Variants in TMEM132B observed in about 807,000 individuals in gnomAD.
The protein encoded by TMEM132B is transmembrane protein 132B.
Under a neutral mutation model 90.8 loss-of-function variants are expected in TMEM132B, and 18 were observed. The observed-to-expected ratio is 0.20, with a 90% CI of 0.14 to 0.29. TMEM132B has a LOEUF of 0.29. TMEM132B is among the 10% of genes least tolerant of loss of function. The probability of loss-of-function intolerance (pLI) is 1.00; values close to 1 mark genes in which losing one functional copy is unlikely to be tolerated. For synonymous variants in TMEM132B, 504 were observed against 523.3 expected, an observed-to-expected ratio of 0.96 and a Z score of 0.50; for missense variants, 1,096 against 1,326.8, an observed-to-expected ratio of 0.83 and a Z score of 2.70.
In TMEM132B at chr12:125,349,467, G is replaced by C; in HGVS notation, c.83G>C (p.Gly28Ala). Residue 28 changes from glycine (G) to alanine (A), a missense_variant, in exon 2 of 9, where the codon GGG (glycine) becomes GCG (alanine). Gly to Ala is a moderately conservative substitution (Grantham distance 60, BLOSUM62 0). Coordinates refer to ENST00000682704, the MANE Select transcript of TMEM132B (RefSeq NM_001366854.1). This position sits in a 1 kb window ranked among gnomAD's most constrained non-coding sequence, Gnocchi z 4.1. ...TCTTGTGCAGTGACAGAGAGTCGAG[G>C]GATTGTGGATAGCCTGCAGAAGTTT... ...ALQCPVTESRGIVDSLQKFSS... is the reference protein window; with the variant it reads ...ALQCPVTESRAIVDSLQKFSS... 1.2e-6 allele frequency: 2 copies of C among 1,610,544 alleles called. No homozygotes were observed. The highest frequency in any genetic ancestry group is 1.7e-6 in the Non-Finnish European group (2 of 1,178,112).
chr12:125,505,213 T>C (rs1882816560), intron 3 of TMEM132B, among the ~76,000 whole-genome samples: 1 of 135,940 alleles, frequency 7.4e-6, no homozygotes, highest in Non-Finnish European at 1.5e-5. Context: ...TGGGGACTTG[T>C]GCAAAGGTGA....
In TMEM132B at chr12:125,644,311, C is replaced by T. The variant is rs776187489; in HGVS notation, c.1643+30C>T. The T allele has an allele frequency of 4.1e-5, 66 of 1,610,642 alleles. 1 individual carries two copies. Among genetic ancestry groups the T allele is most frequent in the Admixed American group, 1.7e-4 (10 of 59,768 alleles). On this transcript the variant is annotated intron_variant, in intron 6 of 8. Coordinates refer to ENST00000682704, the MANE Select transcript of TMEM132B (RefSeq NM_001366854.1). ...GGAATCAAAGAGAAGGCTGTGGATC[C>T]GATTGTCCTGGAGTCCAGATCTTTG...
At chr12:125,313,625 CT>C (rs1876176083) in intron 1 of TMEM132B, among the ~76,000 whole-genome samples, 1 of 81,546 alleles carries the variant, frequency 1.2e-5, no homozygotes, top group African/African-American at 5.0e-5. Flanking sequence ...CTCCCCTCTC[CT>C]TTCCCCTCCC....
At chr12:125,266,235 C>T (rs944172663) in intron 1 of TMEM132B, among the ~76,000 whole-genome samples, 2 of 152,020 alleles carry the variant, frequency 1.3e-5, no homozygotes, top group Non-Finnish European at 2.9e-5. Context: ...AAAAGAAAAA[C>T]CCAAAATTAA....
chr12:125,550,370 C>G (rs931804450), intron 4 of TMEM132B, among the ~76,000 whole-genome samples: 16 of 152,226 alleles, frequency 1.1e-4, no homozygotes, highest in African/African-American at 3.9e-4. Flanking sequence ...TTTTTTTAAA[C>G]TCATTTATAG....
At chr12:125,524,488 A>G (rs1251274726) in intron 4 of TMEM132B, among the ~76,000 whole-genome samples, 1 of 152,220 alleles carries the variant, frequency 6.6e-6, no homozygotes, top group Non-Finnish European at 1.5e-5. Context: ...TACTAGCTTC[A>G]TGATATTGGG....
chr12:125,335,108 CAG>C (rs1356501179), intron 1 of TMEM132B, among the ~76,000 whole-genome samples: 3 of 152,192 alleles, frequency 2.0e-5, no homozygotes, highest in African/African-American at 7.2e-5. Context: ...GTTTTGAACA[CAG>C]TATGTCAAAT....
chr12:125,236,903 G>A lies in TMEM132B; in HGVS notation c.67+50037G>A, dbSNP rs558269524. Among the ~76,000 whole-genome samples the A allele has an allele frequency of 3.3e-5, 5 of 152,334 alleles. No individual in the cohort carries two copies. In the South Asian group the frequency reaches 6.2e-4, roughly 19 times the overall value. Reference sequence around the variant, plus strand: ...AAGATTTGGGTACCTGTAGTGCATCGGAGAGGTGCTTGCAGGCAGGATGGT... The same window carrying A: ...AAGATTTGGGTACCTGTAGTGCATCAGAGAGGTGCTTGCAGGCAGGATGGT... On this transcript the variant is annotated intron_variant, in intron 1 of 8. Transcript: ENST00000682704.
chr12:125,273,651 A>G (rs1022081676), intron 1 of TMEM132B, among the ~76,000 whole-genome samples: 3 of 152,176 alleles, frequency 2.0e-5, no homozygotes, highest in East Asian at 3.9e-4. Context: ...ATACAGTAAC[A>G]GCATATCTCG....
chr12:125,539,665 A>G (rs1883903320), intron 4 of TMEM132B, among the ~76,000 whole-genome samples: 1 of 152,086 alleles, frequency 6.6e-6, no homozygotes, highest in African/African-American at 2.4e-5. Context: ...ATATTCCCCT[A>G]TTATGCTTTT....
At chr12:125,541,371 C>G (rs757219023) in intron 4 of TMEM132B, among the ~76,000 whole-genome samples, 1 of 152,166 alleles carries the variant, frequency 6.6e-6, no homozygotes, top group Non-Finnish European at 1.5e-5. Context: ...TGTCCTGACA[C>G]TGTCTCTTCT....
chr12:125,507,768 G>A lies in TMEM132B; in HGVS notation c.1107-11671G>A, dbSNP rs150206052. ...TTCTTGTAAGGACTTTGCCTTTTAT[G>A]TGACTGAGATGAGAATTCCTCAAGG... On this transcript the variant is annotated intron_variant, in intron 3 of 8. Coordinates refer to ENST00000682704, the MANE Select transcript of TMEM132B (RefSeq NM_001366854.1). Among the ~76,000 whole-genome samples the A allele has an allele frequency of 3.7e-4, 57 of 152,330 alleles. 1 individual carries two copies. The East Asian group carries it at 0.01, about 28-fold the overall frequency.
At chr12:125,198,940 A>G (rs1872987958) in intron 1 of TMEM132B, among the ~76,000 whole-genome samples, 1 of 152,210 alleles carries the variant, frequency 6.6e-6, no homozygotes, top group East Asian at 1.9e-4. Context: ...GACTTCACAC[A>G]TATTTTGGTT....
At chr12:125,441,516 C>T (rs529478295) in intron 3 of TMEM132B, among the ~76,000 whole-genome samples, 2 of 152,270 alleles carry the variant, frequency 1.3e-5, no homozygotes, top group South Asian at 2.1e-4. Context: ...GCAAACATGG[C>T]GAGTTTTGCT....
chr12:125,530,832 T>G (rs975112318), intron 4 of TMEM132B, among the ~76,000 whole-genome samples: 5 of 152,258 alleles, frequency 3.3e-5, no homozygotes, highest in Non-Finnish European at 7.3e-5. Context: ...TCATTTAAAC[T>G]AATGATGTGC....
At chr12:125,390,558 A>G (rs2136301172) in intron 2 of TMEM132B, among the ~76,000 whole-genome samples, 1 of 152,352 alleles carries the variant, frequency 6.6e-6, no homozygotes, top group South Asian at 2.1e-4. Flanking sequence ...AACATATAAA[A>G]TACAGCAGAC....
intron 1 of TMEM132B, among the ~76,000 whole-genome samples, chr12:125,307,346 A>C (rs1425897791): frequency 1.3e-5 from 2 of 152,270 alleles, no homozygotes; most frequent in East Asian, 3.9e-4. Context: ...TGACAAACCC[A>C]TGGATTTAAA....
At chr12:125,562,220 C>T (rs1402969210) in intron 4 of TMEM132B, among the ~76,000 whole-genome samples, 2 of 152,216 alleles carry the variant, frequency 1.3e-5, no homozygotes, top group East Asian at 1.9e-4. Context: ...AGCTTCCTCA[C>T]CTCTCTAAGC....
intron 3 of TMEM132B, among the ~76,000 whole-genome samples, chr12:125,435,083 G>T (rs1278931006): frequency 1.3e-5 from 2 of 152,172 alleles, no homozygotes; most frequent in Non-Finnish European, 2.9e-5. Context: ...TTCTTAAGGG[G>T]AGCAGGGGGA....
Sources: gnomAD v4.1 joint callset for allele counts (sites outside exome capture counted in the v4.1 genomes callset) on GRCh38, gnomAD v4.1.1 for gene constraint, Gnocchi (gnomAD v3.1) non-coding constraint, MANE v1.5 for transcripts, NCBI Gene and HGNC (gene_info 2026-07-23, HGNC 2026-07-21) for gene names.